Variants in JAM3 observed in about 807,000 individuals in gnomAD.
The protein encoded by JAM3 is junctional adhesion molecule 3, also known as junctional adhesion molecule C.
A neutral mutation model predicts 39.4 loss-of-function variants in JAM3; 31 were observed. The observed-to-expected ratio is 0.79, with a 90% CI of 0.59 to 1.06. The LOEUF is 1.06. Among genes scored for constraint, JAM3 ranks in the 50% least tolerant of loss-of-function variants. The pLI is 0.00. For synonymous variants in JAM3, 182 were observed against 148.7 expected (o/e 1.22, Z -1.63); for missense variants, 455 against 391.4 (o/e 1.16, Z -1.37).
intron 1 of JAM3, among the ~76,000 whole-genome samples, chr11:134,111,739 AG>A (rs1942315379): frequency 6.6e-6 from 1 of 152,234 alleles, no homozygotes; most frequent in Non-Finnish European, 1.5e-5. Context: ...TTAGAAAAAA[AG>A]TTTGCTTTCA....
Position 134,140,657 on chromosome 11 carries a change from G to C in JAM3, c.143G>C (p.Ser48Thr). The change falls in exon 3 of 9, where the codon AGT becomes ACT. Residue 48 changes from serine to threonine, a missense_variant and splice_region_variant. By Grantham distance (58) the Ser-to-Thr change is moderately conservative. Transcript: ENST00000299106. ...NRTPVVQEFE[S>T]VELSCIITDS... ...GCTCTTTTTCTTCTTTGCGTGTTAG[G>C]TGTGGAACTGTCTTGCATCATTACG... 6.2e-7 allele frequency: 1 copy of C among 1,611,922 alleles called. No homozygotes were observed. The highest frequency in any genetic ancestry group is 8.5e-7 in the Non-Finnish European group (1 of 1,178,232).
intron 1 of JAM3, among the ~76,000 whole-genome samples, chr11:134,088,762 ATTAC>A (rs1377343832): frequency 1.3e-5 from 2 of 151,990 alleles, no homozygotes; most frequent in Non-Finnish European, 2.9e-5. Flanking sequence ...AACACACCTA[ATTAC>A]TTATGGTTTA....
chr11:134,074,492 TG>T (rs1941532845), intron 1 of JAM3, among the ~76,000 whole-genome samples: 1 of 152,216 alleles, frequency 6.6e-6, no homozygotes, highest in African/African-American at 2.4e-5. Flanking sequence ...AGTGGCTGAC[TG>T]GAAGTTCAGT....
chr11:134,086,265 A>G (rs1313456020), intron 1 of JAM3, among the ~76,000 whole-genome samples: 1 of 152,224 alleles, frequency 6.6e-6, no homozygotes, highest in Non-Finnish European at 1.5e-5. Context: ...CTTCAAAACT[A>G]TAGGTTACAA....
chr11:134,103,608 C>T (rs1942120827), intron 1 of JAM3, among the ~76,000 whole-genome samples: 1 of 152,114 alleles, frequency 6.6e-6, no homozygotes, highest in South Asian at 2.1e-4. Context: ...GTGCTGTATT[C>T]AGGAGACCCA....
chr11:134,077,650 CTTTTTTTTTTTT>C (rs71038558), intron 1 of JAM3, among the ~76,000 whole-genome samples: 1,588 of 102,100 alleles, frequency 0.016, 18 homozygotes, highest in Middle Eastern at 0.11. Flanking sequence ...TGGCTGGCGC[CTTTTTTTTTTTT>C]TTTTTTTTTT....
chr11:134,099,085 T>C (rs961407762), intron 1 of JAM3, among the ~76,000 whole-genome samples: 3 of 152,002 alleles, frequency 2.0e-5, no homozygotes, highest in African/African-American at 4.8e-5. Flanking sequence ...CTGTAGTCCT[T>C]GTATGCTTGG....
At chr11:134,130,631 AAG>A (rs1278268786) in intron 1 of JAM3, among the ~76,000 whole-genome samples, 2 of 151,936 alleles carry the variant, frequency 1.3e-5, no homozygotes, top group South Asian at 2.1e-4. Flanking sequence ...TCTAACCAAA[AAG>A]AGCCATCTTT....
intron 1 of JAM3, among the ~76,000 whole-genome samples, chr11:134,129,076 ATTATC>A (rs1942711106): frequency 6.7e-6 from 1 of 148,868 alleles, no homozygotes; most frequent in Admixed American, 6.7e-5. Context: ...GTGTCCTCAT[ATTATC>A]TTTCCCCTGT....
intron 1 of JAM3, among the ~76,000 whole-genome samples, chr11:134,123,553 C>T (rs113530224): frequency 6.6e-6 from 1 of 152,348 alleles, no homozygotes; most frequent in Non-Finnish European, 1.5e-5. Context: ...ATAATTCAAT[C>T]CTGGCAGAAA....
intron 1 of JAM3, chr11:134,123,773 A>T: frequency 1.5e-6 from 1 of 689,512 alleles, no homozygotes; most frequent in East Asian, 2.6e-5. Flanking sequence ...CCAGGTACCA[A>T]GGGTTCCCTC....
intron 6 of JAM3, chr11:134,147,902 T>A (rs1309576851): frequency 1.3e-5 from 2 of 154,286 alleles, no homozygotes; most frequent in East Asian, 3.9e-4. Context: ...CTGCATAGTT[T>A]TCCATGTGTC....
intron 1 of JAM3, among the ~76,000 whole-genome samples, chr11:134,101,002 G>A (rs549769969): frequency 1.3e-5 from 2 of 152,176 alleles, no homozygotes; most frequent in South Asian, 2.1e-4. Context: ...AACCATTCTC[G>A]GTATAAGTGG....
intron 1 of JAM3, among the ~76,000 whole-genome samples, chr11:134,117,035 A>G (rs564604148): frequency 6.6e-6 from 1 of 152,050 alleles, no homozygotes; most frequent in Admixed American, 6.5e-5. Context: ...GTTCTAGCCA[A>G]TACAACCAGG....
intron 1 of JAM3, among the ~76,000 whole-genome samples, chr11:134,086,555 TG>T (rs1260152140): frequency 6.6e-6 from 1 of 152,184 alleles, no homozygotes; most frequent in Non-Finnish European, 1.5e-5. Context: ...TTTTCATGCC[TG>T]AACTAGGAAA....
At chr11:134,130,012 A>T (rs988033377) in intron 1 of JAM3, among the ~76,000 whole-genome samples, 13 of 149,864 alleles carry the variant, frequency 8.7e-5, no homozygotes, top group African/African-American at 3.3e-4. Flanking sequence ...CAAAAAAAAA[A>T]GTCAGTAAGA....
At chr11:134,146,496 G>A (rs1035430526) in intron 6 of JAM3, among the ~76,000 whole-genome samples, 11 of 152,092 alleles carry the variant, frequency 7.2e-5, no homozygotes, top group Non-Finnish European at 1.5e-4. Flanking sequence ...CCCTAATGGA[G>A]GGGCGTTGAG....
chr11:134,107,875 T>TAAAC (rs1443076676), intron 1 of JAM3, among the ~76,000 whole-genome samples: 9 of 149,786 alleles, frequency 6.0e-5, no homozygotes, highest in Non-Finnish European at 8.9e-5. Context: ...AATAAATAAA[T>TAAAC]AAACAGAAAA....
chr11:134,094,833 C>G (rs545766337), intron 1 of JAM3, among the ~76,000 whole-genome samples: 44 of 152,256 alleles, frequency 2.9e-4, no homozygotes, highest in African/African-American at 1.1e-3. Context: ...GGGACCATGA[C>G]AGTAGGAATT....
Sources: allele counts gnomAD v4.1 joint callset (sites outside exome capture counted in the v4.1 genomes callset), GRCh38; gene constraint gnomAD v4.1.1; transcripts MANE v1.5; gene names NCBI Gene and HGNC (gene_info 2026-07-23, HGNC 2026-07-21).